The following PDE7B variants were observed in gnomAD, a reference collection of about 807,000 sequenced individuals.
PDE7B encodes the protein 3',5'-cyclic-AMP phosphodiesterase 7B.
A neutral mutation model predicts 56.2 loss-of-function variants in PDE7B; 29 were observed. That is an observed-to-expected ratio of 0.52 (90% CI 0.38 to 0.70). The LOEUF (loss-of-function observed/expected upper bound fraction) is 0.70, where lower values mean the gene tolerates loss of function less well. PDE7B is among the 30% of genes least tolerant of loss of function. The pLI, the probability that PDE7B is intolerant of heterozygous loss-of-function variation, is 0.00. For synonymous variants in PDE7B, 197 were observed against 196.9 expected (o/e 1.00, Z 0.00); for missense variants, 490 against 565.0 (o/e 0.87, Z 1.35).
intron 2 of PDE7B, among the ~76,000 whole-genome samples, chr6:136,032,772 T>C (rs1488610218): frequency 6.6e-6 from 1 of 152,224 alleles, no homozygotes; most frequent in Non-Finnish European, 1.5e-5. Flanking sequence ...AAAATAACAA[T>C]ATTAAATTTT....
At chr6:136,079,532 T>A (rs1005453313) in intron 2 of PDE7B, among the ~76,000 whole-genome samples, 12 of 152,148 alleles carry the variant, frequency 7.9e-5, no homozygotes, top group African/African-American at 2.9e-4. Context: ...TCACAGAAAG[T>A]TCTGCTGGAC....
intron 3 of PDE7B, among the ~76,000 whole-genome samples, chr6:136,133,450 C>T (rs945218711): frequency 6.6e-6 from 1 of 152,100 alleles, no homozygotes; most frequent in African/African-American, 2.4e-5. Flanking sequence ...AGTTCTTCTA[C>T]ACAGGGGATC....
rs572705975 is a variant in PDE7B at position 135,918,944 on chromosome 6, G to A, written c.22-28520G>A. Among the ~76,000 whole-genome samples, 145 of 152,046 alleles carry A rather than the reference G, an allele frequency of 9.5e-4. 7 individuals carry two copies. Among genetic ancestry groups the A allele is most frequent in the South Asian group, 6.2e-4 (3 of 4,812 alleles). On this transcript the variant is annotated intron_variant, in intron 1 of 12. Transcript: ENST00000308191. ...TTTGTGTTGTGTTTATTTCCTCTGC[G>A]GTATTATGGGAAATTTTTAAAGCTA...
chr6:135,893,606 G>A (rs548029995), intron 1 of PDE7B, among the ~76,000 whole-genome samples: 1 of 152,150 alleles, frequency 6.6e-6, no homozygotes, highest in Admixed American at 6.6e-5. Flanking sequence ...TCAGTGTGGT[G>A]ATTCCTCAGG....
chr6:135,975,878 C>T (rs1179908826), intron 2 of PDE7B, among the ~76,000 whole-genome samples: 1 of 152,186 alleles, frequency 6.6e-6, no homozygotes, highest in East Asian at 1.9e-4. Flanking sequence ...CCACCCACAG[C>T]AGTGAGACCT....
At chr6:136,147,301 T>G in intron 3 of PDE7B, 50 bp from the exon 4 acceptor site, 1 of 1,277,832 alleles carries the variant, frequency 7.8e-7, no homozygotes, top group Non-Finnish European at 1.1e-6. Context: ...GTGGAGAAAA[T>G]TGGCTCTCTT....
intron 8 of PDE7B, among the ~76,000 whole-genome samples, chr6:136,167,655 AC>A (rs1291999338): frequency 6.6e-6 from 1 of 152,126 alleles, no homozygotes; most frequent in Admixed American, 6.6e-5. Context: ...TACCATCTCT[AC>A]CACCACTAGT....
chr6:135,979,609 A>G (rs1277673557), intron 2 of PDE7B, among the ~76,000 whole-genome samples: 4 of 152,182 alleles, frequency 2.6e-5, no homozygotes, highest in Non-Finnish European at 4.4e-5. Flanking sequence ...GTCTTGGGAG[A>G]GTGTATGTGT....
chr6:136,108,564 T>G (rs955442526), intron 2 of PDE7B, among the ~76,000 whole-genome samples, 167 bp from the exon 3 acceptor site: 2 of 152,162 alleles, frequency 1.3e-5, no homozygotes, highest in African/African-American at 4.8e-5. Flanking sequence ...GCCAACCTCA[T>G]TACACTCAGT....
chr6:136,136,583 C>T (rs376846220), intron 3 of PDE7B, among the ~76,000 whole-genome samples: 59 of 152,032 alleles, frequency 3.9e-4, no homozygotes, highest in African/African-American at 1.4e-3. Flanking sequence ...TTCTTTGTAA[C>T]AGAAAGGATG....
intron 12 of PDE7B, 91 bp from the exon 13 acceptor site, chr6:136,191,523 C>T (rs1779224529): frequency 1.9e-6 from 2 of 1,066,852 alleles, no homozygotes; most frequent in African/African-American, 1.6e-5. Context: ...AAAAATTAGC[C>T]GGGCGTGGTG....
chr6:136,010,913 C>G (rs890583907), intron 2 of PDE7B, among the ~76,000 whole-genome samples: 4 of 152,132 alleles, frequency 2.6e-5, no homozygotes, highest in Admixed American at 6.5e-5. Flanking sequence ...CGGGTGCTCC[C>G]AGAATTACTG....
Position 136,147,440 on chromosome 6 carries a change from C to G in PDE7B, c.256C>G (p.Arg86Gly). ...ATACTTCCATGCATCAAGGCTGCTT[C>G]GTGGAATTATACCACAAGCCCCTCT... ...QRYFHASRLL[R>G]GIIPQAPLHL... The change falls in exon 4 of 13, where the codon CGT becomes GGT. Residue 86 changes from arginine (R) to glycine (G), a missense_variant. Coordinates refer to ENST00000308191, the MANE Select transcript of PDE7B (RefSeq NM_018945.4). 6.2e-7 allele frequency: 1 copy of G among 1,613,520 alleles called. No homozygotes were observed. The highest frequency in any genetic ancestry group is 8.5e-7 in the Non-Finnish European group (1 of 1,179,482).
chr6:136,019,427 A>G (rs541685829), intron 2 of PDE7B, among the ~76,000 whole-genome samples: 67 of 152,324 alleles, frequency 4.4e-4, no homozygotes, highest in African/African-American at 1.6e-3. Flanking sequence ...CTGTCAAAGC[A>G]TACCTATCAG....
intron 2 of PDE7B, among the ~76,000 whole-genome samples, chr6:135,989,617 A>AAAT (rs371037409): frequency 0.015 from 2,206 of 151,820 alleles, 64 homozygotes; most frequent in Admixed American, 0.067. Flanking sequence ...TCTGTCTCCA[A>AAAT]AATAATAATA....
intron 2 of PDE7B, among the ~76,000 whole-genome samples, chr6:136,105,540 C>T (rs952011831): frequency 2.6e-5 from 4 of 152,164 alleles, no homozygotes; most frequent in African/African-American, 9.7e-5. Flanking sequence ...TGAGATAATA[C>T]ATGTAAAATC....
At chr6:136,003,058 C>G (rs944051751) in intron 2 of PDE7B, among the ~76,000 whole-genome samples, 6 of 151,908 alleles carry the variant, frequency 3.9e-5, no homozygotes, top group Non-Finnish European at 8.8e-5. Flanking sequence ...CACTCAAAAC[C>G]ACTCAACTAC....
At chr6:135,932,960 T>C (rs1774320430) in intron 1 of PDE7B, among the ~76,000 whole-genome samples, 2 of 152,222 alleles carry the variant, frequency 1.3e-5, no homozygotes, top group South Asian at 4.1e-4. Context: ...TAGTCATAGA[T>C]GGCATGGAGT....
chr6:135,948,190 G>T (rs931230829), intron 2 of PDE7B, among the ~76,000 whole-genome samples: 1 of 151,946 alleles, frequency 6.6e-6, no homozygotes, highest in Non-Finnish European at 1.5e-5. Context: ...TCCAAATCAT[G>T]ATATGAAAGT....
Sources: allele counts gnomAD v4.1 joint callset (sites outside exome capture counted in the v4.1 genomes callset), GRCh38; gene constraint gnomAD v4.1.1; transcripts MANE v1.5; gene names NCBI Gene and HGNC (gene_info 2026-07-23, HGNC 2026-07-21).